The following LIN52 variants were observed in gnomAD, a reference collection of about 807,000 sequenced individuals.
LIN52 encodes lin-52 DREAM MuvB core complex component.
LIN52 carries 4 observed loss-of-function variants against 18.5 expected under a neutral mutation model. The observed-to-expected ratio is 0.22, with a 90% CI of 0.11 to 0.49. LIN52 has a LOEUF of 0.49. Ranked by LOEUF, LIN52 falls within the 20% of genes least tolerant of loss-of-function variation. The probability of loss-of-function intolerance (pLI) is 0.97; values close to 1 mark genes in which losing one functional copy is unlikely to be tolerated. For missense variants in LIN52, 102 were observed against 139.5 expected (o/e 0.73, Z 1.35); for synonymous variants, 34 against 45.5 (o/e 0.75, Z 1.02).
chr14:74,158,571 C>T (rs71429042), intron 5 of LIN52, among the ~76,000 whole-genome samples: 17,008 of 152,170 alleles, frequency 0.11, 1,252 homozygotes, highest in Admixed American at 0.19. Flanking sequence ...CTCCACCTCC[C>T]GGGTTCAAGT....
intron 5 of LIN52, among the ~76,000 whole-genome samples, chr14:74,124,818 A>T (rs937685981): frequency 6.6e-6 from 1 of 150,700 alleles, no homozygotes; most frequent in Non-Finnish European, 1.5e-5. Context: ...CTCAAAAAAA[A>T]AAAAAAAAAA....
chr14:74,118,213 A>G (rs993199852), intron 5 of LIN52, among the ~76,000 whole-genome samples: 9 of 152,012 alleles, frequency 5.9e-5, no homozygotes, highest in African/African-American at 2.2e-4. Flanking sequence ...GTGAGCTATG[A>G]TCATGCCACT....
At chr14:74,190,504 C>G (rs2061359287) in intron 5 of LIN52, among the ~76,000 whole-genome samples, 1 of 150,008 alleles carries the variant, frequency 6.7e-6, no homozygotes, top group African/African-American at 2.4e-5. Flanking sequence ...CAATCCTCCC[C>G]CTTCAGCCTC....
At chr14:74,178,292 G>A (rs1203050711) in intron 5 of LIN52, among the ~76,000 whole-genome samples, 1 of 152,022 alleles carries the variant, frequency 6.6e-6, no homozygotes, top group Admixed American at 6.6e-5. Context: ...GAGCAATAAT[G>A]GTTCAAAGAA....
chr14:74,104,964 TTC>T (rs1475437000), intron 5 of LIN52, among the ~76,000 whole-genome samples: 2 of 152,212 alleles, frequency 1.3e-5, no homozygotes, highest in Non-Finnish European at 2.9e-5. Context: ...GGTAGTAATA[TTC>T]TGTCATTTCT....
In LIN52 at chr14:74,146,257, A is replaced by G. The variant is rs116398900; in HGVS notation, c.283+45019A>G. On this transcript the variant is annotated intron_variant, in intron 5 of 5. Transcript: ENST00000555028. Reference sequence around the variant, plus strand: ...GGGATACTTGTTAAAACGTTCCCACACACGGCTGGATACATTATGGAACTA... The same window carrying G: ...GGGATACTTGTTAAAACGTTCCCACGCACGGCTGGATACATTATGGAACTA... 6.9e-3 allele frequency among the ~76,000 whole-genome samples: 1,050 copies of G among 152,352 alleles called. 14 individuals are homozygous for G. Among genetic ancestry groups the G allele is most frequent in the African/African-American group, 0.024 (1,011 of 41,568 alleles).
In LIN52 at chr14:74,200,629, A is replaced by G. The variant is rs1033951627; in HGVS notation, c.*1652A>G. 1 of 152,164 alleles carries G rather than the reference A, an allele frequency of 6.6e-6. No homozygotes were observed. Among genetic ancestry groups the G allele is most frequent in the African/African-American group, 2.4e-5 (1 of 41,412 alleles). 9.4% of individuals were successfully genotyped at this position (152,164 alleles called of 1,614,324 possible). On this transcript the variant is annotated 3_prime_UTR_variant, in exon 6 of 6. Transcript: ENST00000555028. ...GGATTTTTCTCTCATTTGACCATCA[A>G]TGTAGTTTTACTTATTGAAAGGAAA...
intron 5 of LIN52, among the ~76,000 whole-genome samples, chr14:74,176,885 C>A (rs1457315559): frequency 2.6e-5 from 4 of 152,232 alleles, no homozygotes; most frequent in Non-Finnish European, 5.9e-5. Context: ...AAAGTAACCA[C>A]TAACCTATTT....
intron 5 of LIN52, among the ~76,000 whole-genome samples, chr14:74,111,502 G>A (rs1232682742): frequency 2.7e-5 from 4 of 149,720 alleles, no homozygotes; most frequent in Admixed American, 1.3e-4. Flanking sequence ...GGGTCTCCCT[G>A]TGTTGCCCAG....
intron 5 of LIN52, among the ~76,000 whole-genome samples, chr14:74,164,933 GA>G: frequency 6.6e-6 from 1 of 152,264 alleles, no homozygotes; most frequent in Middle Eastern, 3.4e-3. Flanking sequence ...GGAGAAAACA[GA>G]ATATGCCTTC....
chr14:74,128,869 G>C lies in LIN52; in HGVS notation c.283+27631G>C, dbSNP rs541232922. ...TGAGGCATGAGAATCTTGAGCCTGC[G>C]AGACTGAGGTTGCAATGAGCCAAGA... On this transcript the variant is annotated intron_variant, in intron 5 of 5. Transcript: ENST00000555028. Among the ~76,000 whole-genome samples the C allele has an allele frequency of 3.4e-4, 51 of 152,218 alleles. No homozygotes were observed. The South Asian group carries it at 0.01, about 30-fold the overall frequency.
chr14:74,171,914 AT>A (rs1686095299), intron 5 of LIN52, among the ~76,000 whole-genome samples: 2 of 151,630 alleles, frequency 1.3e-5, no homozygotes, highest in African/African-American at 4.8e-5. Flanking sequence ...AATTTTTTGT[AT>A]TTTTAGTGGA....
In LIN52 at chr14:74,098,555, T is replaced by G. The variant is rs535775377; in HGVS notation, c.199+695T>G. ...GTTAAAAAATTTTAACTCTGGTTTT[T>G]TTTTTTTTTCAGACGGAGTCTCGCT... is the stretch of plus-strand genomic sequence containing the variant. On this transcript the variant is annotated intron_variant, in intron 4 of 5. Coordinates refer to ENST00000555028, the MANE Select transcript of LIN52 (RefSeq NM_001024674.3). Among the ~76,000 whole-genome samples, 199 of 151,640 alleles carry G rather than the reference T, an allele frequency of 1.3e-3. 2 individuals are homozygous for G. The highest frequency in any genetic ancestry group is 4.6e-3 in the African/African-American group (191 of 41,386).
chr14:74,157,433 C>T (rs2061204145), intron 5 of LIN52, among the ~76,000 whole-genome samples: 1 of 142,284 alleles, frequency 7.0e-6, no homozygotes, highest in Non-Finnish European at 1.5e-5. Flanking sequence ...TGAATCATGG[C>T]ATACTCCTGC....
chr14:74,106,105 T>C (rs1047298555), intron 5 of LIN52, among the ~76,000 whole-genome samples: 4 of 152,182 alleles, frequency 2.6e-5, no homozygotes, highest in African/African-American at 9.7e-5. Context: ...TAGAAATATT[T>C]AAAAAAGTAA....
At chr14:74,195,193 C>T (rs1422850512) in intron 5 of LIN52, among the ~76,000 whole-genome samples, 1 of 152,068 alleles carries the variant, frequency 6.6e-6, no homozygotes, top group Non-Finnish European at 1.5e-5. Flanking sequence ...CTATATAACA[C>T]TCTCTCTCTC....
At chr14:74,165,729 G>A (rs560626512) in intron 5 of LIN52, among the ~76,000 whole-genome samples, 84 of 151,818 alleles carry the variant, frequency 5.5e-4, no homozygotes, top group Non-Finnish European at 8.4e-4. Flanking sequence ...GGGTGCTATC[G>A]AACTCCTGGC....
chr14:74,087,153 C>G (rs901736625), intron 1 of LIN52, among the ~76,000 whole-genome samples: 1 of 151,988 alleles, frequency 6.6e-6, no homozygotes, highest in Non-Finnish European at 1.5e-5. Context: ...TGGTGGCTCA[C>G]GCCTGTAATC....
At chr14:74,195,821 G>A (rs916216640) in intron 5 of LIN52, among the ~76,000 whole-genome samples, 3 of 152,122 alleles carry the variant, frequency 2.0e-5, no homozygotes, top group East Asian at 1.9e-4. Flanking sequence ...AAGAATCTTC[G>A]CCCTGCAGCA....
Sources: gnomAD v4.1 joint callset for allele counts (sites outside exome capture counted in the v4.1 genomes callset) on GRCh38, gnomAD v4.1.1 for gene constraint, MANE v1.5 for transcripts, NCBI Gene and HGNC (gene_info 2026-07-23, HGNC 2026-07-21) for gene names.